Variants in LMO1 observed in about 807,000 individuals in gnomAD.
LMO1 encodes LIM domain only 1, also known as rhombotin-1.
Under a neutral mutation model 18.0 loss-of-function variants are expected in LMO1, and 10 were observed. That is an observed-to-expected ratio of 0.55 (90% CI 0.34 to 0.94). The LOEUF is 0.94. LMO1 is among the 40% of genes least tolerant of loss of function. The pLI is 0.02. For synonymous variants in LMO1, 77 were observed against 77.9 expected (o/e 0.99, Z 0.06); for missense variants, 183 against 205.7 (o/e 0.89, Z 0.68).
Position 8,224,558 on chromosome 11 carries a change from C to A in LMO1, c.*58G>T. ...CTGGTAGAGTGGCTGGCTGGCCGGC[C>A]AGGCAGGTGGGCAGGCGGGCAGATG... On this transcript the variant is annotated 3_prime_UTR_variant, in exon 4 of 4. Transcript: ENST00000335790. 9.0e-7 allele frequency: 1 copy of A among 1,114,602 alleles called. No individual in the cohort carries two copies. Among genetic ancestry groups the A allele is most frequent in the Non-Finnish European group, 1.3e-6 (1 of 756,956 alleles). 69.0% of individuals were successfully genotyped at this position (1,114,602 alleles called of 1,614,324 possible). A position where few individuals can be genotyped will look rare whatever the true frequency, so the allele number is the denominator to read the frequency against.
At position 8,224,363 on chromosome 11, in the gene LMO1, T is replaced by C. The variant is rs1030508632; in HGVS notation, c.*253A>G. 3 of 497,124 alleles carry C rather than the reference T, an allele frequency of 6.0e-6. No individual in the cohort carries two copies. The highest frequency in any genetic ancestry group is 1.1e-5 in the Non-Finnish European group (3 of 277,654). 30.8% of individuals were successfully genotyped at this position (497,124 alleles called of 1,614,324 possible). The stretch of plus-strand genomic sequence containing the variant: ...GCCAGTAATAAAATCGCATTACATT[T>C]CTCATAAAATAAATGTTCCCATTTA... On this transcript the variant is annotated 3_prime_UTR_variant, in exon 4 of 4. Transcript: ENST00000335790.
intron 2 of LMO1, 33 bp downstream of exon 2, chr11:8,230,258 A>AAGGGCTTGGGAGGCC: frequency 6.2e-7 from 1 of 1,601,700 alleles, no homozygotes; most frequent in East Asian, 2.2e-5. Flanking sequence ...TGAGCAGGAC[A>AAGGGCTTGGGAGGCC]AGGGCTTGGG....
intron 1 of LMO1, among the ~76,000 whole-genome samples, chr11:8,243,002 C>T (rs1284706104): frequency 1.3e-5 from 2 of 152,210 alleles, no homozygotes; most frequent in Non-Finnish European, 2.9e-5. Context: ...GTCCTGCTTC[C>T]TTCTTGAAGC....
At chr11:8,266,448 T>A (rs1847262192), upstream of LMO1, among the ~76,000 whole-genome samples, 1 of 143,900 alleles carries the variant, frequency 6.9e-6, no homozygotes, top group African/African-American at 2.6e-5. Context: ...TCAGATCCCC[T>A]GGGGCTGGGG....
chr11:8,261,721 C>T (rs1401210861), intron 1 of LMO1, among the ~76,000 whole-genome samples: 3 of 152,120 alleles, frequency 2.0e-5, no homozygotes, highest in African/African-American at 4.8e-5. Context: ...ATGGGGAGTT[C>T]GTGATGAAAG....
chr11:8,264,403 C>G (rs191360056), upstream of LMO1, among the ~76,000 whole-genome samples: 5 of 152,262 alleles, frequency 3.3e-5, no homozygotes, highest in Admixed American at 1.3e-4. Context: ...GTGCCAAGCA[C>G]AGTTCTAAGG....
intron 1 of LMO1, among the ~76,000 whole-genome samples, chr11:8,237,587 C>T (rs772862893): frequency 5.3e-5 from 8 of 152,366 alleles, no homozygotes; most frequent in Middle Eastern, 3.4e-3. Context: ...ACCCAGAGCA[C>T]GCTCATTACC....
At chr11:8,232,400 G>A (rs1952681214) in intron 1 of LMO1, among the ~76,000 whole-genome samples, 2 of 152,172 alleles carry the variant, frequency 1.3e-5, no homozygotes, top group Admixed American at 6.5e-5. Context: ...GAACTGAAGG[G>A]GTCTTGTGAG....
intron 1 of LMO1, among the ~76,000 whole-genome samples, chr11:8,239,171 C>T (rs1412642871): frequency 6.6e-6 from 1 of 152,246 alleles, no homozygotes; most frequent in Non-Finnish European, 1.5e-5. Flanking sequence ...TCCCATCCAG[C>T]ACACGCCCAG....
upstream of LMO1, chr11:8,263,973 C>T (rs753576848): frequency 7.7e-6 from 5 of 648,738 alleles, no homozygotes; most frequent in Non-Finnish European, 9.7e-6. Flanking sequence ...GGCTGTCCGG[C>T]TCCGCAGCGC....
At chr11:8,259,595 C>T (rs763339274) in intron 1 of LMO1, among the ~76,000 whole-genome samples, 14 of 152,350 alleles carry the variant, frequency 9.2e-5, no homozygotes, top group South Asian at 4.1e-4. Flanking sequence ...CACTTGGCTC[C>T]GCCTTCCTGC....
chr11:8,250,538 G>C (rs978020991), intron 1 of LMO1, among the ~76,000 whole-genome samples: 4 of 152,260 alleles, frequency 2.6e-5, no homozygotes, highest in Non-Finnish European at 5.9e-5. Flanking sequence ...TTTGGGTGGA[G>C]TACCAGCTTG....
In LMO1 at chr11:8,224,391, T is replaced by C. The variant is rs1312077048; in HGVS notation, c.*225A>G. ...CATAAAATAAATGTTCCCATTTATA[T>C]ACAGAAGACAGACTGTACAGGCCCG... On this transcript the variant is annotated 3_prime_UTR_variant, in exon 4 of 4. Transcript: ENST00000335790. 1 of 537,922 alleles carries C rather than the reference T, an allele frequency of 1.9e-6. No homozygotes were observed. Among genetic ancestry groups the C allele is most frequent in the African/African-American group, 1.9e-5 (1 of 53,248 alleles). 33.3% of individuals were successfully genotyped at this position (537,922 alleles called of 1,614,324 possible).
chr11:8,236,690 C>T (rs1044152051), intron 1 of LMO1, among the ~76,000 whole-genome samples: 4 of 152,236 alleles, frequency 2.6e-5, no homozygotes, highest in Admixed American at 6.5e-5. Flanking sequence ...TACTTCCCCA[C>T]GTCCACATGA....
At chr11:8,240,756 C>T (rs370110022) in intron 1 of LMO1, among the ~76,000 whole-genome samples, 1 of 152,218 alleles carries the variant, frequency 6.6e-6, no homozygotes. Flanking sequence ...CTAACACTAT[C>T]ACATTGGGTG....
At chr11:8,265,833 C>T (rs974648328), upstream of LMO1, among the ~76,000 whole-genome samples, 3 of 152,314 alleles carry the variant, frequency 2.0e-5, no homozygotes, top group Middle Eastern at 3.4e-3. Flanking sequence ...TTCACTCCAT[C>T]GGGGCTGCAT....
intron 2 of LMO1, 149 bp from the exon 3 acceptor site, chr11:8,227,249 G>T: frequency 1.5e-6 from 2 of 1,330,838 alleles, no homozygotes; most frequent in Non-Finnish European, 2.0e-6. Context: ...GAGCACTGAG[G>T]GCAGCATCTA....
intron 1 of LMO1, among the ~76,000 whole-genome samples, chr11:8,257,182 C>T (rs1354935387): frequency 6.6e-6 from 1 of 152,178 alleles, no homozygotes; most frequent in Non-Finnish European, 1.5e-5. Context: ...CAAGCCAGGA[C>T]AAGTTGACTC....
chr11:8,268,396 C>G, upstream of LMO1: 1 of 1,465,824 alleles, frequency 6.8e-7, no homozygotes, highest in Non-Finnish European at 9.0e-7. Flanking sequence ...CGCGTGCCCC[C>G]GGGCACCGGC....
Sources: gnomAD v4.1 joint callset for allele counts (sites outside exome capture counted in the v4.1 genomes callset) on GRCh38, gnomAD v4.1.1 for gene constraint, MANE v1.5 for transcripts, NCBI Gene and HGNC (gene_info 2026-07-23, HGNC 2026-07-21) for gene names.